COL14A1: variants seen among roughly 807,000 people sequenced by gnomAD.
COL14A1 encodes collagen alpha-1(XIV) chain.
In COL14A1, 136 loss-of-function variants were observed where a neutral mutation model predicts 230.3. The ratio of observed to expected loss-of-function variants is 0.59; its 90% CI spans 0.51 to 0.68. COL14A1 has a LOEUF of 0.68. Among genes scored for constraint, COL14A1 ranks in the 30% least tolerant of loss-of-function variants. The probability of loss-of-function intolerance (pLI) is 0.00; values close to 1 mark genes in which losing one functional copy is unlikely to be tolerated. For missense variants in COL14A1, 1,976 were observed against 2,215.8 expected (o/e 0.89, Z 2.17); for synonymous variants, 792 against 784.1 (o/e 1.01, Z -0.17).
At chr8:120,366,821 A>G (rs1243152925) in intron 45 of COL14A1, among the ~76,000 whole-genome samples, 4 of 152,178 alleles carry the variant, frequency 2.6e-5, no homozygotes, top group Non-Finnish European at 5.9e-5. Context: ...TGTGATTTCT[A>G]TTGTGTTACT....
At chr8:120,278,271 A>C (rs764006417) in intron 27 of COL14A1, 37 bp downstream of exon 27, 8 of 1,569,236 alleles carry the variant, frequency 5.1e-6, no homozygotes, top group Non-Finnish European at 6.9e-6. Flanking sequence ...GCTCAAAGTA[A>C]TTCATTATTT....
In COL14A1 at chr8:120,345,122, T is replaced by G. The variant is rs555176927; in HGVS notation, c.4889-253T>G. 3.3e-5 allele frequency among the ~76,000 whole-genome samples: 5 copies of G among 152,310 alleles called. No individual in the cohort carries two copies. In the South Asian group the frequency reaches 1.0e-3, roughly 32 times the overall value. ...TACAACTTCTGCTCAGTGATGTTTA[T>G]TGAGATGCTGACATGAGCTGCAGAA... On this transcript the variant is annotated intron_variant, in intron 44 of 47. Transcript: ENST00000297848.
chr8:120,274,767 C>A (rs1335424859), intron 26 of COL14A1, among the ~76,000 whole-genome samples: 1 of 151,636 alleles, frequency 6.6e-6, no homozygotes, highest in Non-Finnish European at 1.5e-5. Context: ...ATAGACATAC[C>A]TAGGCATATA....
chr8:120,194,203 T>C (rs1816946451), intron 5 of COL14A1, among the ~76,000 whole-genome samples: 1 of 152,200 alleles, frequency 6.6e-6, no homozygotes, highest in Non-Finnish European at 1.5e-5. Context: ...CTGCCAGTCC[T>C]ATGAGTCTTA....
intron 43 of COL14A1, 31 bp from the exon 44 acceptor site, chr8:120,342,349 G>C (rs774049276): frequency 2.5e-6 from 4 of 1,609,606 alleles, no homozygotes; most frequent in Non-Finnish European, 3.4e-6. Context: ...GCTTGTAGCT[G>C]AGTCAGGAGT....
chr8:120,302,866 C>A (rs573590208), intron 36 of COL14A1, among the ~76,000 whole-genome samples: 3 of 152,272 alleles, frequency 2.0e-5, no homozygotes, highest in South Asian at 4.1e-4. Context: ...TACTTCCTAT[C>A]CAAGAGCATG....
chr8:120,279,206 T>G (rs1370782800), intron 28 of COL14A1, among the ~76,000 whole-genome samples: 1 of 151,968 alleles, frequency 6.6e-6, no homozygotes, highest in Non-Finnish European at 1.5e-5. Flanking sequence ...CATGCAGGGC[T>G]TAAAACCTAG....
chr8:120,262,105 A>G (rs1422291629), intron 23 of COL14A1, among the ~76,000 whole-genome samples: 1 of 152,158 alleles, frequency 6.6e-6, no homozygotes. Context: ...TGAGGCCAAA[A>G]GGAAGTATCT....
At chr8:120,362,070 A>C (rs1823239852) in intron 45 of COL14A1, among the ~76,000 whole-genome samples, 2 of 152,196 alleles carry the variant, frequency 1.3e-5, no homozygotes, top group African/African-American at 4.8e-5. Context: ...ATTTGGCAGG[A>C]GGTTTGGGAA....
At chr8:120,210,293 G>T (rs1046342069) in intron 12 of COL14A1, among the ~76,000 whole-genome samples, 1 of 152,128 alleles carries the variant, frequency 6.6e-6, no homozygotes, top group Admixed American at 6.6e-5. Context: ...TAATGCTTTT[G>T]TGAATATTCC....
intron 8 of COL14A1, among the ~76,000 whole-genome samples, chr8:120,202,128 A>G (rs757455587): frequency 3.3e-5 from 5 of 152,214 alleles, no homozygotes; most frequent in Non-Finnish European, 5.9e-5. Context: ...AATAAAGGAA[A>G]TCTCTGCCAA....
chr8:120,158,329 T>G, intron 3 of COL14A1, 83 bp downstream of exon 3: 1 of 803,544 alleles, frequency 1.2e-6, no homozygotes, highest in Non-Finnish European at 2.1e-6. Context: ...CCAAGCATTG[T>G]GTTAGGATTT....
At chr8:120,345,338 A>G (rs758515249) in intron 44 of COL14A1, 37 bp from the exon 45 acceptor site, 14 of 1,521,802 alleles carry the variant, frequency 9.2e-6, no homozygotes, top group African/African-American at 1.4e-5. Flanking sequence ...CTTGTGTGAC[A>G]GTTCACTGAA....
intron 4 of COL14A1, among the ~76,000 whole-genome samples, chr8:120,167,055 A>C (rs185029126): frequency 5.9e-5 from 9 of 151,944 alleles, no homozygotes; most frequent in Admixed American, 5.9e-4. Flanking sequence ...TTTTATTTTT[A>C]AAATCTTTTA....
chr8:120,134,033 G>A (rs760684195), intron 1 of COL14A1, among the ~76,000 whole-genome samples: 1 of 152,026 alleles, frequency 6.6e-6, no homozygotes, highest in Non-Finnish European at 1.5e-5. Flanking sequence ...TATATAATAT[G>A]TAGAAATAAA....
intron 4 of COL14A1, among the ~76,000 whole-genome samples, chr8:120,165,233 C>G (rs190789889): frequency 2.6e-5 from 4 of 152,172 alleles, no homozygotes. Context: ...AAAGCCTAGT[C>G]TCCTCTTCCT....
chr8:120,239,505 C>G (rs1039901716), intron 19 of COL14A1, among the ~76,000 whole-genome samples: 1 of 152,124 alleles, frequency 6.6e-6, no homozygotes, highest in Non-Finnish European at 1.5e-5. Context: ...TATTACAGGA[C>G]ACAGTGACAG....
chr8:120,180,032 T>A lies in COL14A1; in HGVS notation c.436+11785T>A, dbSNP rs532118746. ...AACTGGACCCCTTCCTTACACCTTA[T>A]ACAAAAATTAACTCAAGATGGGTTA... On this transcript the variant is annotated intron_variant, in intron 5 of 47. Coordinates refer to ENST00000297848, the MANE Select transcript of COL14A1 (RefSeq NM_021110.4). 2.0e-5 allele frequency among the ~76,000 whole-genome samples: 3 copies of A among 152,212 alleles called. No individual in the cohort carries two copies. The South Asian group carries it at 6.2e-4, about 32-fold the overall frequency.
At chr8:120,271,895 A>G (rs1819675746) in intron 26 of COL14A1, among the ~76,000 whole-genome samples, 1 of 151,488 alleles carries the variant, frequency 6.6e-6, no homozygotes, top group Non-Finnish European at 1.5e-5. Flanking sequence ...GCTTTGTGGC[A>G]TGTGAATTAC....
Sources: allele counts gnomAD v4.1 joint callset (sites outside exome capture counted in the v4.1 genomes callset), GRCh38; gene constraint gnomAD v4.1.1; transcripts MANE v1.5; gene names NCBI Gene and HGNC (gene_info 2026-07-23, HGNC 2026-07-21).